Variants in PAK5 observed in about 807,000 individuals in gnomAD.
The protein encoded by PAK5 is serine/threonine-protein kinase PAK 5.
In PAK5, 16 loss-of-function variants were observed where a neutral mutation model predicts 65.9. That is an observed-to-expected ratio of 0.24 (90% CI 0.16 to 0.37). PAK5 has a LOEUF of 0.37. Ranked by LOEUF, PAK5 falls within the 10% of genes least tolerant of loss-of-function variation. The pLI, the probability that PAK5 is intolerant of heterozygous loss-of-function variation, is 1.00. For missense variants in PAK5, 785 were observed against 903.9 expected, an observed-to-expected ratio of 0.87 and a Z score of 1.69; for synonymous variants, 371 against 354.9, an observed-to-expected ratio of 1.05 and a Z score of -0.51.
chr20:9,788,524 G>C (rs1231626063), intron 1 of PAK5, among the ~76,000 whole-genome samples: 1 of 152,064 alleles, frequency 6.6e-6, no homozygotes, highest in African/African-American at 2.4e-5. Context: ...GTTAGAACTG[G>C]AAGGTAAAAT....
chr20:9,763,502 A>G (rs2048723085), intron 1 of PAK5, among the ~76,000 whole-genome samples: 1 of 152,156 alleles, frequency 6.6e-6, no homozygotes, highest in Non-Finnish European at 1.5e-5. Flanking sequence ...ACACATATCA[A>G]AAATAAACCA....
At chr20:9,734,140 AG>A (rs532788232) in intron 1 of PAK5, among the ~76,000 whole-genome samples, 11 of 152,330 alleles carry the variant, frequency 7.2e-5, no homozygotes, top group African/African-American at 2.2e-4. Context: ...GTGGGCTTGA[AG>A]TTGATCTCAG....
intron 2 of PAK5, among the ~76,000 whole-genome samples, chr20:9,702,674 G>T (rs910045792): frequency 3.9e-5 from 6 of 152,074 alleles, no homozygotes; most frequent in African/African-American, 1.4e-4. Context: ...TATCCAAACT[G>T]CAGATCTATT....
chr20:9,740,476 A>G (rs2048439410), intron 1 of PAK5, among the ~76,000 whole-genome samples: 1 of 152,170 alleles, frequency 6.6e-6, no homozygotes, highest in South Asian at 2.1e-4. Context: ...GCCATGTAAC[A>G]TTGCAGTGGC....
intron 2 of PAK5, among the ~76,000 whole-genome samples, chr20:9,680,111 G>C (rs1442004863): frequency 2.0e-5 from 3 of 152,192 alleles, no homozygotes; most frequent in South Asian, 2.1e-4. Flanking sequence ...TTTCAAATCA[G>C]GCTTCATTCA....
intron 1 of PAK5, among the ~76,000 whole-genome samples, chr20:9,735,368 G>A (rs1263770474): frequency 2.0e-5 from 3 of 152,098 alleles, no homozygotes; most frequent in Admixed American, 1.3e-4. Flanking sequence ...TCAAGTATTC[G>A]ACTGAGTAGT....
At chr20:9,560,848 T>C (rs982741208) in intron 6 of PAK5, among the ~76,000 whole-genome samples, 5 of 152,200 alleles carry the variant, frequency 3.3e-5, no homozygotes, top group African/African-American at 1.2e-4. Context: ...CGTAACAAGA[T>C]GTTAAGTTAA....
chr20:9,571,875 G>T (rs893182507), intron 4 of PAK5, among the ~76,000 whole-genome samples: 3 of 59,104 alleles, frequency 5.1e-5, no homozygotes, highest in Non-Finnish European at 6.2e-5. Flanking sequence ...CATGAATGAT[G>T]GGGGGGGGGG....
chr20:9,542,643 GAGGGGAGGCTCATTGAAGT>G lies in PAK5; in HGVS notation c.1928_1946del (p.Tyr643SerfsTer15). On this transcript the variant is annotated frameshift_variant, in exon 9 of 10. Transcript: ENST00000353224. LOFTEE classifies it high-confidence loss of function. ...TGTCCCGGATCCTCCGCATCGCCTG[GAGGGGAGGCTCATTGAAGT>G]AGGGGGGCTCGCCATCAATCATTTC... is the stretch of plus-strand genomic sequence containing the variant. 1 of 1,614,034 alleles carries G rather than the reference GAGGGGAGGCTCATTGAAGT, an allele frequency of 6.2e-7. No individual in the cohort carries two copies. The highest frequency in any genetic ancestry group is 8.5e-7 in the Non-Finnish European group (1 of 1,179,906).
chr20:9,598,354 T>C (rs953380714), intron 3 of PAK5, among the ~76,000 whole-genome samples: 4 of 152,240 alleles, frequency 2.6e-5, no homozygotes, highest in African/African-American at 9.6e-5. Context: ...TTATCCAGTC[T>C]ATCATTGATG....
intron 2 of PAK5, among the ~76,000 whole-genome samples, chr20:9,665,910 G>A (rs139288826): frequency 1.3e-3 from 196 of 152,188 alleles, no homozygotes; most frequent in African/African-American, 4.6e-3. Context: ...CTTAAGGATG[G>A]CAGAGCCTTT....
chr20:9,828,639 A>G (rs973856594), intron 1 of PAK5, among the ~76,000 whole-genome samples: 2 of 152,216 alleles, frequency 1.3e-5, no homozygotes, highest in East Asian at 1.9e-4. Flanking sequence ...TAGCTAAAAA[A>G]TCATTATTAT....
rs550986397 is a variant in PAK5 at position 9,657,962 on chromosome 20, A to G, written c.-11-13623T>C. On this transcript the variant is annotated intron_variant, in intron 2 of 9. Transcript: ENST00000353224. The stretch of plus-strand genomic sequence containing the variant: ...TTCTCCAGATTTTTTTATATTTTAC[A>G]TCAATGACACTAATATCCAAATACA... 6.6e-5 allele frequency among the ~76,000 whole-genome samples: 10 copies of G among 152,308 alleles called. No homozygotes were observed. In the East Asian group the frequency reaches 1.3e-3, roughly 21 times the overall value.
chr20:9,617,591 T>C (rs578240467), intron 3 of PAK5, among the ~76,000 whole-genome samples: 1 of 136,742 alleles, frequency 7.3e-6, no homozygotes, highest in East Asian at 2.4e-4. Flanking sequence ...AGTCTCGCTC[T>C]GTCACCCAGG....
chr20:9,607,648 T>C (rs890826521), intron 3 of PAK5, among the ~76,000 whole-genome samples: 1 of 151,996 alleles, frequency 6.6e-6, no homozygotes, highest in Non-Finnish European at 1.5e-5. Context: ...GGAGACCCTG[T>C]ATCTACAAAA....
intron 6 of PAK5, among the ~76,000 whole-genome samples, chr20:9,558,409 G>A (rs543227032): frequency 6.6e-6 from 1 of 152,130 alleles, no homozygotes. Flanking sequence ...GCCACTGTGC[G>A]GGGCTCCATG....
chr20:9,770,458 T>C (rs1202889948), intron 1 of PAK5, among the ~76,000 whole-genome samples: 1 of 152,114 alleles, frequency 6.6e-6, no homozygotes, highest in Non-Finnish European at 1.5e-5. Context: ...ACTCGGCAGC[T>C]CTAAGGACCC....
chr20:9,804,373 T>C (rs1200329671), intron 1 of PAK5, among the ~76,000 whole-genome samples: 2 of 152,152 alleles, frequency 1.3e-5, no homozygotes, highest in African/African-American at 4.8e-5. Context: ...GATAGACATA[T>C]ACATCAATGG....
intron 2 of PAK5, among the ~76,000 whole-genome samples, chr20:9,676,103 T>C (rs1162509802): frequency 6.6e-6 from 1 of 152,126 alleles, no homozygotes; most frequent in Non-Finnish European, 1.5e-5. Flanking sequence ...AAGTCACATC[T>C]TACATGGATG....
Sources: gnomAD v4.1 joint callset for allele counts (sites outside exome capture counted in the v4.1 genomes callset) on GRCh38, gnomAD v4.1.1 for gene constraint, MANE v1.5 for transcripts, NCBI Gene and HGNC (gene_info 2026-07-23, HGNC 2026-07-21) for gene names.